The following DCAF8 variants were observed in gnomAD, a reference collection of about 807,000 sequenced individuals.
DCAF8 encodes the protein DDB1- and CUL4-associated factor 8.
Under a neutral mutation model 68.0 loss-of-function variants are expected in DCAF8, and 20 were observed. The observed-to-expected ratio is 0.29, with a 90% CI of 0.21 to 0.43. The LOEUF (loss-of-function observed/expected upper bound fraction) is 0.43, where lower values mean the gene tolerates loss of function less well. Among genes scored for constraint, DCAF8 ranks in the 20% least tolerant of loss-of-function variants. DCAF8 has a pLI of 1.00. For missense variants in DCAF8, 460 were observed against 771.0 expected, an observed-to-expected ratio of 0.60 and a Z score of 4.78; for synonymous variants, 230 against 276.9, an observed-to-expected ratio of 0.83 and a Z score of 1.68.
At chr1:160,249,706 A>T (rs913163754) in intron 2 of DCAF8, among the ~76,000 whole-genome samples, 1 of 152,246 alleles carries the variant, frequency 6.6e-6, no homozygotes, top group Non-Finnish European at 1.5e-5. Context: ...GAATGTTTTA[A>T]TAGTTTTACT....
Position 160,232,784 on chromosome 1 carries a change from C to T in DCAF8, c.960-1377G>A, listed in dbSNP as rs1008500293. On this transcript the variant is annotated intron_variant, in intron 6 of 13. Coordinates refer to ENST00000368074, the MANE Select transcript of DCAF8 (RefSeq NM_015726.4). ...AGTGAGCCGTGGTCTTGCCACTGTACTTCTGCTTAGGTGACAGAGTGAGAC... is the reference window on the plus strand; with the variant it reads ...AGTGAGCCGTGGTCTTGCCACTGTATTTCTGCTTAGGTGACAGAGTGAGAC... 5.3e-5 allele frequency among the ~76,000 whole-genome samples: 8 copies of T among 152,148 alleles called. No individual in the cohort carries two copies. The South Asian group carries it at 1.7e-3, about 31-fold the overall frequency.
intron 11 of DCAF8, chr1:160,220,639 T>C (rs533261049): frequency 6.6e-6 from 1 of 152,170 alleles, no homozygotes; most frequent in Non-Finnish European, 1.5e-5. Flanking sequence ...AGCATCAAAG[T>C]GCTCTTGGGA....
At position 160,217,265 on chromosome 1, in the gene DCAF8, A is replaced by T; in HGVS notation, c.*327T>A. On this transcript the variant is annotated 3_prime_UTR_variant, in exon 14 of 14. Coordinates refer to ENST00000368074, the MANE Select transcript of DCAF8 (RefSeq NM_015726.4). ...CCCAGCCCAAGAAACAAGGGAGATT[A>T]AAGAAAAAGAAACCCCATTCCCTAT... 5.0e-6 allele frequency: 1 copy of T among 198,638 alleles called. No individual in the cohort carries two copies. The allele number at this position is 198,638 out of a possible 1,614,324, so 12.3% of individuals were successfully genotyped here.
At chr1:160,239,256 C>T in intron 4 of DCAF8, 2 of 1,086,766 alleles carry the variant, frequency 1.8e-6, no homozygotes, top group South Asian at 2.8e-5. Context: ...GTACCAGTCA[C>T]AGTTCTAACT....
intron 7 of DCAF8, among the ~76,000 whole-genome samples, chr1:160,227,378 C>A (rs1174971609): frequency 6.6e-6 from 1 of 152,200 alleles, no homozygotes; most frequent in Non-Finnish European, 1.5e-5. Flanking sequence ...GATCCTCCCG[C>A]CTCAACCTGC....
chr1:160,256,153 A>G (rs1656829809), intron 2 of DCAF8, among the ~76,000 whole-genome samples: 1 of 151,744 alleles, frequency 6.6e-6, no homozygotes, highest in African/African-American at 2.4e-5. Flanking sequence ...GCACCTGGCT[A>G]AGAGAACTTT....
chr1:160,240,390 G>C lies in DCAF8; in HGVS notation c.50-20C>G, dbSNP rs1468807088. The C allele has an allele frequency of 6.4e-7, 1 of 1,565,456 alleles. No homozygotes were observed. The highest frequency in any genetic ancestry group is 1.9e-5 in the Admixed American group (1 of 53,958). ...GGCTTCCTGCATGTTAGTGAGGAAG[G>C]AGTAGAGGAGAGGGAAAAATAAGAA... On this transcript the variant is annotated intron_variant, in intron 3 of 13. Coordinates refer to ENST00000368074, the MANE Select transcript of DCAF8 (RefSeq NM_015726.4).
intron 11 of DCAF8, 106 bp from the exon 12 acceptor site, chr1:160,219,074 C>G (rs915807455): frequency 6.7e-7 from 1 of 1,500,326 alleles, no homozygotes; most frequent in Non-Finnish European, 9.0e-7. Flanking sequence ...AGGGCTGAGG[C>G]AGCTGCTGGG....
chr1:160,217,744 G>T (rs763597545), intron 13 of DCAF8, 36 bp from the exon 14 acceptor site: 3 of 1,541,150 alleles, frequency 1.9e-6, no homozygotes, highest in East Asian at 2.3e-5. Context: ...AACTTCCCTG[G>T]ATGGAACAAG....
intron 1 of DCAF8, chr1:160,262,101 C>A (rs1291431484): frequency 1.6e-5 from 6 of 375,230 alleles, no homozygotes; most frequent in African/African-American, 1.0e-4. Flanking sequence ...CTCTTGGGGG[C>A]AACACCAGGG....
intron 2 of DCAF8, among the ~76,000 whole-genome samples, chr1:160,259,547 C>CAAAA (rs71759232): frequency 2.2e-4 from 34 of 151,172 alleles, no homozygotes; most frequent in East Asian, 9.7e-4. Flanking sequence ...AACAAACAAA[C>CAAAA]AAAAAAAACC....
At chr1:160,243,582 G>A (rs1656207343) in intron 3 of DCAF8, among the ~76,000 whole-genome samples, 4 of 151,980 alleles carry the variant, frequency 2.6e-5, no homozygotes, top group Admixed American at 2.6e-4. Flanking sequence ...ACTGTGGAAA[G>A]GGACCTCTCA....
intron 2 of DCAF8, among the ~76,000 whole-genome samples, chr1:160,256,025 T>A (rs112770628): frequency 4.2e-5 from 6 of 142,864 alleles, no homozygotes; most frequent in African/African-American, 1.7e-4. Flanking sequence ...TTTTTTTTTT[T>A]TTTTTTTTTT....
chr1:160,228,085 TTTC>T (rs1397533728), intron 7 of DCAF8, among the ~76,000 whole-genome samples: 2 of 113,954 alleles, frequency 1.8e-5, no homozygotes, highest in African/African-American at 4.4e-5. Flanking sequence ...ATTAAAATTT[TTTC>T]TTAATTTTTT....
At chr1:160,229,407 C>A (rs997071274) in intron 7 of DCAF8, among the ~76,000 whole-genome samples, 2 of 152,166 alleles carry the variant, frequency 1.3e-5, no homozygotes, top group Non-Finnish European at 2.9e-5. Context: ...TGTTGAAATG[C>A]TAAAACTCTA....
Position 160,218,859 on chromosome 1 carries a change from C to A in DCAF8, c.1550G>T (p.Gly517Val). 1 of 1,614,124 alleles carries A rather than the reference C, an allele frequency of 6.2e-7. No homozygotes were observed. The change falls in exon 12 of 14, where the codon GGG becomes GTG. Residue 517 changes from glycine to valine, a missense_variant. Physicochemically the swap from Gly to Val is moderately radical, Grantham distance 109. Coordinates refer to ENST00000368074, the MANE Select transcript of DCAF8 (RefSeq NM_015726.4). ...CAGTCAGCCACTTACATCTTTTAAC[C>A]CTGTCAGCTCAGTGGAAGCTTCAGC... ...PTAEASTELT[G>V]LKDVIKKNKR...
At chr1:160,230,213 C>G (rs1655628393) in intron 7 of DCAF8, among the ~76,000 whole-genome samples, 2 of 152,096 alleles carry the variant, frequency 1.3e-5, no homozygotes, top group South Asian at 4.1e-4. Context: ...TAAAATGAAT[C>G]TGGAAATATA....
chr1:160,223,435 C>T (rs1370550397), intron 10 of DCAF8, among the ~76,000 whole-genome samples: 2 of 152,058 alleles, frequency 1.3e-5, no homozygotes, highest in East Asian at 2.0e-4. Context: ...TAACTGCTAT[C>T]TCCAAGACAA....
chr1:160,225,489 G>T, intron 8 of DCAF8, 102 bp downstream of exon 8: 1 of 891,324 alleles, frequency 1.1e-6, no homozygotes, highest in South Asian at 1.6e-5. Flanking sequence ...CCAGATGACT[G>T]ACTTGAAAGT....
Sources: gnomAD v4.1 joint callset for allele counts (sites outside exome capture counted in the v4.1 genomes callset) on GRCh38, gnomAD v4.1.1 for gene constraint, MANE v1.5 for transcripts, NCBI Gene and HGNC (gene_info 2026-07-23, HGNC 2026-07-21) for gene names.